The following PI4K2A variants were observed in gnomAD, a reference collection of about 807,000 sequenced individuals.
PI4K2A encodes phosphatidylinositol 4-kinase type 2-alpha.
PI4K2A carries 20 observed loss-of-function variants against 55.0 expected under a neutral mutation model. The ratio of observed to expected loss-of-function variants is 0.36; its 90% confidence interval spans 0.26 to 0.53. The LOEUF is 0.53. PI4K2A is among the 20% of genes least tolerant of loss of function. The pLI is 0.91. For synonymous variants in PI4K2A, 235 were observed against 258.5 expected (o/e 0.91, Z 0.87); for missense variants, 463 against 637.1 (o/e 0.73, Z 2.94).
At chr10:97,670,936 G>C (rs1370579875) in intron 8 of PI4K2A, among the ~76,000 whole-genome samples, 1 of 152,032 alleles carries the variant, frequency 6.6e-6, no homozygotes, top group African/African-American at 2.4e-5. Flanking sequence ...TTGGGAGTTC[G>C]AGACCAGACT....
At chr10:97,659,451 A>G (rs776741365) in intron 4 of PI4K2A, among the ~76,000 whole-genome samples, 2 of 151,104 alleles carry the variant, frequency 1.3e-5, no homozygotes, top group South Asian at 4.1e-4. Context: ...AATCATATCT[A>G]TGAACAGACA....
intron 2 of PI4K2A, among the ~76,000 whole-genome samples, chr10:97,655,273 G>A (rs1340500117): frequency 6.6e-6 from 1 of 151,476 alleles, no homozygotes; most frequent in Non-Finnish European, 1.5e-5. Flanking sequence ...GGGAGGCTGA[G>A]GCATGAGAAT....
At chr10:97,655,065 A>G (rs1589934279) in intron 2 of PI4K2A, among the ~76,000 whole-genome samples, 1 of 152,152 alleles carries the variant, frequency 6.6e-6, no homozygotes, top group East Asian at 1.9e-4. Context: ...GAATAATTTC[A>G]CAAAGTAAAA....
At chr10:97,675,585 G>A (rs2041660135) in exon 9 of PI4K2A, 1 of 152,490 alleles carries the variant, frequency 6.6e-6, no homozygotes, top group African/African-American at 2.4e-5. Flanking sequence ...TGTTGGTAAA[G>A]TGCCCATCTG....
rs2041634657 is a variant in PI4K2A, at chr10:97,671,443, C to CCCTG, written c.1279-2137_1279-2134dup. 2.6e-5 allele frequency among the ~76,000 whole-genome samples: 4 copies of CCCTG among 151,314 alleles called. No homozygotes were observed. The Admixed American group carries it at 2.6e-4, about 10-fold the overall frequency. The stretch of plus-strand genomic sequence containing the variant: ...CTCCAGCTTGGGTGACAGAGTGAGA[C>CCCTG]CCTGTCTCAGAAAAGAAAAAAAAAA... On this transcript the variant is annotated intron_variant, in intron 8 of 8. Coordinates refer to ENST00000370631, the Ensembl canonical transcript of PI4K2A.
intron 4 of PI4K2A, 105 bp downstream of exon 4, chr10:97,657,079 C>A: frequency 7.3e-6 from 8 of 1,093,126 alleles, no homozygotes; most frequent in Non-Finnish European, 1.1e-5. Context: ...TGTCCAGACA[C>A]ATCATGTGTA....
chr10:97,664,432 C>T (rs1000042700), intron 5 of PI4K2A, among the ~76,000 whole-genome samples: 1 of 152,148 alleles, frequency 6.6e-6, no homozygotes, highest in African/African-American at 2.4e-5. Flanking sequence ...TGTTATCTTC[C>T]GAGGCTCTGT....
At chr10:97,653,365 G>A (rs2041538292) in intron 2 of PI4K2A, among the ~76,000 whole-genome samples, 1 of 152,120 alleles carries the variant, frequency 6.6e-6, no homozygotes, top group Admixed American at 6.5e-5. Context: ...GTAAAAATAG[G>A]GATATAAATA....
chr10:97,652,196 G>C (rs2041532711), intron 2 of PI4K2A, among the ~76,000 whole-genome samples: 1 of 152,082 alleles, frequency 6.6e-6, no homozygotes, highest in South Asian at 2.1e-4. Context: ...TTATTGTTTT[G>C]TGTATAATTT....
At chr10:97,676,072 T>C (rs763319889) in exon 9 of PI4K2A, 1 of 152,528 alleles carries the variant, frequency 6.6e-6, no homozygotes, top group Non-Finnish European at 1.5e-5. Context: ...CCAGTTTCTT[T>C]GGGGGAAGGA....
chr10:97,660,287 C>T (rs2041575319), intron 4 of PI4K2A, among the ~76,000 whole-genome samples: 1 of 146,550 alleles, frequency 6.8e-6, no homozygotes, highest in African/African-American at 2.6e-5. Context: ...AGGCGTGAGC[C>T]ACCGCGCCCG....
chr10:97,666,401 C>A (rs2041609406), intron 6 of PI4K2A, 37 bp from the exon 7 acceptor site: 1 of 1,600,248 alleles, frequency 6.2e-7, no homozygotes, highest in Non-Finnish European at 8.5e-7. Context: ...GGGACTTTTC[C>A]AACACCAGCT....
chr10:97,647,084 G>A (rs549805539), intron 1 of PI4K2A, among the ~76,000 whole-genome samples: 2 of 152,092 alleles, frequency 1.3e-5, no homozygotes, highest in South Asian at 4.2e-4. Context: ...CTGGGCTCAG[G>A]TTCCAGTAAT....
chr10:97,642,825 T>TG (rs2041478438), intron 1 of PI4K2A, among the ~76,000 whole-genome samples: 1 of 5,192 alleles, frequency 1.9e-4, no homozygotes, highest in African/African-American at 3.3e-4. Flanking sequence ...CTTCCTTCCT[T>TG]CCTTCCTTCC....
chr10:97,642,806 TCTTCCTTCCTTC>T (rs1183100302), intron 1 of PI4K2A, among the ~76,000 whole-genome samples: 1,361 of 105,230 alleles, frequency 0.013, 125 homozygotes, highest in Middle Eastern at 0.033. Flanking sequence ...GCTTTCTCTT[TCTTCCTTCCTTC>T]CTTCCTTCCT....
intron 1 of PI4K2A, 142 bp from the exon 2 acceptor site, chr10:97,650,799 A>G (rs1395643170): frequency 7.8e-6 from 5 of 638,708 alleles, no homozygotes; most frequent in South Asian, 3.9e-5. Context: ...CCCCTTACCA[A>G]CTGGGAGAAA....
chr10:97,644,066 T>G (rs2041492456), intron 1 of PI4K2A, among the ~76,000 whole-genome samples: 1 of 152,092 alleles, frequency 6.6e-6, no homozygotes, highest in African/African-American at 2.4e-5. Flanking sequence ...ATTTCCATAT[T>G]CTGGACAGGT....
At chr10:97,649,028 G>A (rs1463013972) in intron 1 of PI4K2A, among the ~76,000 whole-genome samples, 1 of 152,124 alleles carries the variant, frequency 6.6e-6, no homozygotes, top group East Asian at 1.9e-4. Flanking sequence ...CTTCAAGATC[G>A]ACCAGTTATT....
chr10:97,670,654 A>G (rs1267011187), intron 8 of PI4K2A, among the ~76,000 whole-genome samples: 1 of 152,202 alleles, frequency 6.6e-6, no homozygotes, highest in African/African-American at 2.4e-5. Flanking sequence ...TAAGTAAAAA[A>G]GAAATTTGTT....
Sources: allele counts gnomAD v4.1 joint callset (sites outside exome capture counted in the v4.1 genomes callset), GRCh38; gene constraint gnomAD v4.1.1; transcripts MANE v1.5; gene names NCBI Gene and HGNC (gene_info 2026-07-23, HGNC 2026-07-21).